DAB1: variants seen among roughly 807,000 people sequenced by gnomAD.
DAB1 encodes disabled homolog 1.
DAB1 carries 15 observed loss-of-function variants against 64.6 expected under a neutral mutation model. The ratio of observed to expected loss-of-function variants is 0.23; its 90% CI spans 0.16 to 0.36. DAB1 has a LOEUF of 0.36. DAB1 is among the 10% of genes least tolerant of loss of function. The probability of loss-of-function intolerance (pLI) is 1.00; values close to 1 mark genes in which losing one functional copy is unlikely to be tolerated. For missense variants in DAB1, 596 were observed against 706.7 expected (o/e 0.84, Z 1.78); for synonymous variants, 235 against 251.9 (o/e 0.93, Z 0.64).
chr1:57,994,353 A>G (rs911003917), intron 5 of DAB1, among the ~76,000 whole-genome samples: 2 of 152,182 alleles, frequency 1.3e-5, no homozygotes, highest in Admixed American at 1.3e-4. Context: ...GAGGACAACA[A>G]AGGAAGAGCA....
intron 4 of DAB1, among the ~76,000 whole-genome samples, chr1:57,076,957 C>T (rs193269568): frequency 5.3e-5 from 8 of 152,302 alleles, no homozygotes; most frequent in African/African-American, 1.9e-4. Flanking sequence ...AAAACACAGT[C>T]CCTTCTTCAA....
chr1:58,049,057 C>T (rs934186711), intron 5 of DAB1: 9 of 782,882 alleles, frequency 1.1e-5, no homozygotes, highest in African/African-American at 1.0e-4. Flanking sequence ...CTTCCACCCA[C>T]CTTGTGTGGC....
intron 4 of DAB1, among the ~76,000 whole-genome samples, chr1:57,121,634 A>G (rs1032768851): frequency 1.3e-5 from 2 of 152,168 alleles, no homozygotes; most frequent in African/African-American, 4.8e-5. Flanking sequence ...GTCTTTGCCT[A>G]TGCCTATGTC....
At chr1:57,152,104 A>T (rs893289197) in intron 2 of DAB1, among the ~76,000 whole-genome samples, 1 of 152,182 alleles carries the variant, frequency 6.6e-6, no homozygotes, top group African/African-American at 2.4e-5. Context: ...ATAAGCCACC[A>T]TGCCGGGTGT....
At chr1:57,448,792 AC>A (rs1686243546) in intron 7 of DAB1, among the ~76,000 whole-genome samples, 1 of 151,982 alleles carries the variant, frequency 6.6e-6, no homozygotes, top group Admixed American at 6.6e-5. Context: ...ACACACACAC[AC>A]ACAGATGCAC....
intron 2 of DAB1, among the ~76,000 whole-genome samples, chr1:57,196,407 T>G (rs949285491): frequency 1.3e-5 from 2 of 152,214 alleles, no homozygotes; most frequent in African/African-American, 4.8e-5. Context: ...TTGTCCATCA[T>G]GTAGCAGGAG....
At chr1:58,004,764 G>GTA (rs1646556594) in intron 5 of DAB1, among the ~76,000 whole-genome samples, 1 of 151,934 alleles carries the variant, frequency 6.6e-6, no homozygotes. Context: ...ATTGCATGAC[G>GTA]TGTTTGTGAG....
chr1:57,553,442 G>GAAAGAAAGAAAAAGAAAGAAAGAA (rs59263518), intron 7 of DAB1, among the ~76,000 whole-genome samples: 1 of 68,152 alleles, frequency 1.5e-5, no homozygotes, highest in African/African-American at 6.3e-5. Context: ...AAGAAAGAAA[G>GAAAGAAAGAAAAAGAAAGAAAGAA]AGAAAGAAAG....
chr1:57,678,457 G>T (rs146005338), intron 6 of DAB1, among the ~76,000 whole-genome samples: 62 of 152,222 alleles, frequency 4.1e-4, no homozygotes, highest in African/African-American at 1.5e-3. Context: ...ATGCCATATT[G>T]AAGAACATTC....
chr1:57,929,877 A>G (rs2102035075), intron 5 of DAB1, among the ~76,000 whole-genome samples: 1 of 152,318 alleles, frequency 6.6e-6, no homozygotes, highest in East Asian at 1.9e-4. Context: ...TAAGAATGGC[A>G]TCAAACCATT....
At position 56,994,822 on chromosome 1, in the gene DAB1, G is replaced by A. The variant is rs1557477862; in HGVS notation, c.*3322C>T. ...TATTTGTAACAGTTTTACATGGTGT[G>A]TTACAGAAATTAATGGAAAATTTCT... On this transcript the variant is annotated 3_prime_UTR_variant, in exon 15 of 15. Coordinates refer to ENST00000371236, the MANE Select transcript of DAB1 (RefSeq NM_001365792.1). The A allele has an allele frequency of 6.6e-6, 1 of 152,218 alleles. No individual in the cohort carries two copies. 9.4% of individuals were successfully genotyped at this position (152,218 alleles called of 1,614,324 possible).
intron 2 of DAB1, among the ~76,000 whole-genome samples, chr1:57,239,646 G>A (rs1396982993): frequency 6.6e-6 from 1 of 151,966 alleles, no homozygotes; most frequent in Non-Finnish European, 1.5e-5. Flanking sequence ...AGTTTCACCT[G>A]TTCTGTTTTC....
chr1:58,090,850 G>T lies in DAB1; in HGVS notation n.387+59661C>A, dbSNP rs75595043. ...GAAAGGATAATTTGGTACATGTCAAGGAAGCTTTCCTGGCAGAGGTGACAC... is the reference window on the plus strand; with the variant it reads ...GAAAGGATAATTTGGTACATGTCAATGAAGCTTTCCTGGCAGAGGTGACAC... On this transcript the variant is annotated intron_variant and non_coding_transcript_variant, in intron 5 of 20. Transcript: ENST00000485760. 6.9e-3 allele frequency among the ~76,000 whole-genome samples: 1,047 copies of T among 152,274 alleles called. 12 individuals carry two copies. The highest frequency in any genetic ancestry group is 0.024 in the African/African-American group (997 of 41,546).
intron 7 of DAB1, among the ~76,000 whole-genome samples, chr1:57,467,779 T>C (rs1570547505): frequency 6.6e-6 from 1 of 152,176 alleles, no homozygotes; most frequent in Non-Finnish European, 1.5e-5. Context: ...CAAAACAGCA[T>C]GTTTGAGAGA....
intron 4 of DAB1, among the ~76,000 whole-genome samples, chr1:58,255,760 C>G (rs1660915308): frequency 6.6e-6 from 1 of 152,170 alleles, no homozygotes; most frequent in African/African-American, 2.4e-5. Context: ...GGAAGGAGTA[C>G]TGGGGAGACA....
chr1:58,072,086 G>GC lies in DAB1; in HGVS notation n.387+78424_387+78425insG, dbSNP rs33929298. On this transcript the variant is annotated intron_variant and non_coding_transcript_variant, in intron 5 of 20. Coordinates refer to the DAB1 transcript ENST00000485760. Reference sequence around the variant, plus strand: ...GGATAGCAAACATTATTGGTGGGGTGGGGGGGGGTGGGTAGTAGGGAAGGT... The same window carrying GC: ...GGATAGCAAACATTATTGGTGGGGTGCGGGGGGGGTGGGTAGTAGGGAAGGT... Among the ~76,000 whole-genome samples the GC allele has an allele frequency of 4.9e-3, 160 of 32,610 alleles. 4 individuals carry two copies. The highest frequency in any genetic ancestry group is 0.031 in the Middle Eastern group (1 of 32). The allele number at this position is 32,610 out of a possible 152,430, so 21.4% of individuals were successfully genotyped here.
intron 7 of DAB1, among the ~76,000 whole-genome samples, chr1:57,618,578 G>A (rs1645817697): frequency 6.6e-6 from 1 of 152,086 alleles, no homozygotes; most frequent in Non-Finnish European, 1.5e-5. Flanking sequence ...CTGTCCACAG[G>A]GGAGCTTAGA....
At chr1:57,206,968 C>CTTTTTTTTTTTTTT (rs201111039) in intron 2 of DAB1, among the ~76,000 whole-genome samples, 41 of 84,492 alleles carry the variant, frequency 4.9e-4, no homozygotes, top group Admixed American at 6.6e-4. Flanking sequence ...TCCTTCCTTC[C>CTTTTTTTTTTTTTT]TTTTTTTTTT....
chr1:57,268,666 C>T (rs1008497111), intron 2 of DAB1, among the ~76,000 whole-genome samples: 1 of 152,142 alleles, frequency 6.6e-6, no homozygotes, highest in African/African-American at 2.4e-5. Flanking sequence ...CATTAAATAC[C>T]TTCTATGTGC....
Sources: allele counts gnomAD v4.1 joint callset (sites outside exome capture counted in the v4.1 genomes callset), GRCh38; gene constraint gnomAD v4.1.1; transcripts MANE v1.5; gene names NCBI Gene and HGNC (gene_info 2026-07-23, HGNC 2026-07-21).